The following ANKRD31 variants were observed in gnomAD, a reference collection of about 807,000 sequenced individuals.
ANKRD31 encodes ankyrin repeat domain 31.
In ANKRD31, 147 loss-of-function variants were observed where a neutral mutation model predicts 186.0. That is an observed-to-expected ratio of 0.79 (90% CI 0.69 to 0.91). The LOEUF (loss-of-function observed/expected upper bound fraction) is 0.91. Among genes scored for constraint, ANKRD31 ranks in the 40% least tolerant of loss-of-function variants. The pLI, the probability that ANKRD31 is intolerant of heterozygous loss-of-function variation, is 0.00. For synonymous variants in ANKRD31, 673 were observed against 736.4 expected (o/e 0.91, Z 1.39); for missense variants, 1,986 against 2,148.8 (o/e 0.92, Z 1.50).
At chr5:75,186,661 C>T (rs1401871228) in intron 10 of ANKRD31, among the ~76,000 whole-genome samples, 1 of 152,108 alleles carries the variant, frequency 6.6e-6, no homozygotes, top group Non-Finnish European at 1.5e-5. Flanking sequence ...TACTTCATGG[C>T]TGTCACCTTT....
At chr5:75,161,585 A>G (rs1302996183) in intron 11 of ANKRD31, among the ~76,000 whole-genome samples, 1 of 152,172 alleles carries the variant, frequency 6.6e-6, no homozygotes, top group Non-Finnish European at 1.5e-5. Flanking sequence ...TAAGTAATAA[A>G]CAGCTGAATG....
chr5:75,176,437 C>G (rs957523361), intron 10 of ANKRD31, among the ~76,000 whole-genome samples: 5 of 152,216 alleles, frequency 3.3e-5, no homozygotes, highest in African/African-American at 1.2e-4. Context: ...ACTGCCTCTT[C>G]AAGTGGGTCC....
chr5:75,218,403 T>C (rs1757089083), intron 3 of ANKRD31, among the ~76,000 whole-genome samples: 1 of 152,110 alleles, frequency 6.6e-6, no homozygotes, highest in African/African-American at 2.4e-5. Context: ...AGGAAGAAAT[T>C]GAATACTTAA....
intron 11 of ANKRD31, among the ~76,000 whole-genome samples, chr5:75,162,372 C>A (rs1752626593): frequency 6.6e-6 from 1 of 152,186 alleles, no homozygotes; most frequent in Non-Finnish European, 1.5e-5. Context: ...TTCATTTTGG[C>A]CAATTTCTCT....
chr5:75,069,269 T>C (rs1217813385), intron 25 of ANKRD31, among the ~76,000 whole-genome samples: 1 of 98,884 alleles, frequency 1.0e-5, no homozygotes, highest in Admixed American at 8.9e-5. Context: ...CCTGACAGTC[T>C]GAGAGATTTT....
Position 75,185,431 on chromosome 5 carries a change from GCCTGTAAT to G in ANKRD31, c.1564+3054_1564+3061del, listed in dbSNP as rs541062115. The stretch of plus-strand genomic sequence containing the variant: ...AAATTAGTTGGGCATGGTGGCGGGC[GCCTGTAAT>G]CCCAGCTACTCAGGTGGCTGAGAAA... On this transcript the variant is annotated intron_variant, in intron 10 of 25. Transcript: ENST00000506364. Among the ~76,000 whole-genome samples, 12 of 152,176 alleles carry G rather than the reference GCCTGTAAT, an allele frequency of 7.9e-5. No homozygotes were observed. In the East Asian group the frequency reaches 2.3e-3, roughly 29 times the overall value.
At chr5:75,112,625 T>C in intron 19 of ANKRD31, 25 bp from the exon 20 acceptor site, 4 of 1,421,588 alleles carry the variant, frequency 2.8e-6, no homozygotes, top group Non-Finnish European at 3.8e-6. Flanking sequence ...TATTTGAAAC[T>C]TCATTATAAA....
chr5:75,195,556 A>C (rs1264135906), intron 7 of ANKRD31, 75 bp downstream of exon 7: 2 of 1,256,192 alleles, frequency 1.6e-6, no homozygotes. Context: ...CCACTGAAAG[A>C]TGCTTGTCCT....
At chr5:75,145,927 T>A in intron 14 of ANKRD31, 60 bp downstream of exon 14, 2 of 1,318,604 alleles carry the variant, frequency 1.5e-6, no homozygotes, top group Non-Finnish European at 2.0e-6. Context: ...AGTTGGAAAT[T>A]TCTATAAAAA....
At chr5:75,173,400 A>G (rs916205684) in intron 10 of ANKRD31, among the ~76,000 whole-genome samples, 1 of 152,204 alleles carries the variant, frequency 6.6e-6, no homozygotes, top group Admixed American at 6.5e-5. Context: ...AGGCAAGAGA[A>G]AGAAATAAAG....
At chr5:75,142,641 T>G (rs1751135731) in intron 15 of ANKRD31, among the ~76,000 whole-genome samples, 1 of 152,192 alleles carries the variant, frequency 6.6e-6, no homozygotes, top group Admixed American at 6.5e-5. Flanking sequence ...TTCTTGACTA[T>G]CTGTTCATTC....
At chr5:75,115,324 T>A (rs1045495767) in intron 19 of ANKRD31, among the ~76,000 whole-genome samples, 31 of 151,870 alleles carry the variant, frequency 2.0e-4, no homozygotes, top group Non-Finnish European at 2.9e-4. Flanking sequence ...AACCTAGGCA[T>A]TACCATTCAG....
chr5:75,136,637 C>A (rs1359106153), intron 17 of ANKRD31, among the ~76,000 whole-genome samples: 1 of 152,156 alleles, frequency 6.6e-6, no homozygotes, highest in African/African-American at 2.4e-5. Flanking sequence ...CTAGAAATAC[C>A]ATTTGACCTA....
At chr5:75,206,017 T>C (rs879107506) in intron 5 of ANKRD31, among the ~76,000 whole-genome samples, 1 of 151,526 alleles carries the variant, frequency 6.6e-6, no homozygotes, top group Admixed American at 6.6e-5. Context: ...GCATCTGAGC[T>C]GCTACTCCCA....
At chr5:75,217,075 T>C (rs1757002986) in intron 3 of ANKRD31, among the ~76,000 whole-genome samples, 1 of 152,208 alleles carries the variant, frequency 6.6e-6, no homozygotes, top group Admixed American at 6.5e-5. Flanking sequence ...TTTATTGAGC[T>C]GTGGTCCAAG....
In ANKRD31 at chr5:75,107,637, AAGTT is replaced by A. The variant is rs1315689162; in HGVS notation, c.4244-24_4244-21del. The A allele has an allele frequency of 2.8e-6, 4 of 1,436,976 alleles. No homozygotes were observed. The highest frequency in any genetic ancestry group is 2.8e-6 in the Non-Finnish European group (3 of 1,075,074). The allele number at this position is 1,436,976 out of a possible 1,614,324, so 89.0% of individuals were successfully genotyped here. A position where few individuals can be genotyped will look rare whatever the true frequency, so the allele number is the denominator to read the frequency against. ...ATTGTTCTAGAAACATGACAATAAA[AAGTT>A]AGCTAACTGAGGGAGAGTGAATGTC... is the stretch of plus-strand genomic sequence containing the variant. On this transcript the variant is annotated intron_variant, in intron 20 of 25. Coordinates refer to ENST00000506364, the MANE Select transcript of ANKRD31 (RefSeq NM_001372053.1).
chr5:75,205,771 T>C (rs564447837), intron 5 of ANKRD31, among the ~76,000 whole-genome samples: 66 of 152,150 alleles, frequency 4.3e-4, no homozygotes, highest in African/African-American at 1.5e-3. Flanking sequence ...ACTATAAATA[T>C]TTACTACATT....
intron 3 of ANKRD31, among the ~76,000 whole-genome samples, chr5:75,218,964 G>A (rs1287933766): frequency 6.6e-6 from 1 of 152,120 alleles, no homozygotes; most frequent in South Asian, 2.1e-4. Flanking sequence ...AATTACCTAG[G>A]CATTGAAGGA....
chr5:75,099,358 T>C (rs1746614558), intron 22 of ANKRD31, among the ~76,000 whole-genome samples: 1 of 152,250 alleles, frequency 6.6e-6, no homozygotes, highest in Non-Finnish European at 1.5e-5. Context: ...GATTTTTGCA[T>C]CGATGTTCAT....
Sources: allele counts gnomAD v4.1 joint callset (sites outside exome capture counted in the v4.1 genomes callset), GRCh38; gene constraint gnomAD v4.1.1; transcripts MANE v1.5; gene names NCBI Gene and HGNC (gene_info 2026-07-23, HGNC 2026-07-21).